Variants in RBFOX1 observed in about 807,000 individuals in gnomAD.
RBFOX1 encodes the protein RNA binding fox-1 homolog 1, also known as RNA binding protein fox-1 homolog 1.
A neutral mutation model predicts 57.7 loss-of-function variants in RBFOX1; 8 were observed. The observed-to-expected ratio is 0.14, with a 90% CI of 0.08 to 0.25. The LOEUF (loss-of-function observed/expected upper bound fraction) is 0.25, where lower values mean the gene tolerates loss of function less well. RBFOX1 is among the 10% of genes least tolerant of loss of function. The pLI, the probability that RBFOX1 is intolerant of heterozygous loss-of-function variation, is 1.00. For synonymous variants in RBFOX1, 326 were observed against 222.4 expected, an observed-to-expected ratio of 1.47 and a Z score of -4.15; for missense variants, 611 against 548.5, an observed-to-expected ratio of 1.11 and a Z score of -1.14.
intron 1 of RBFOX1, among the ~76,000 whole-genome samples, chr16:5,266,769 G>A (rs1231773202): frequency 6.6e-6 from 1 of 151,832 alleles, no homozygotes; most frequent in African/African-American, 2.4e-5. Context: ...ATATTGCCCA[G>A]GCTGGTCTCG....
chr16:7,181,145 A>T lies in RBFOX1; in HGVS notation c.27+129047A>T, dbSNP rs571446789. ...GATAGGCTTTCAATCCTTCCTTGTC[A>T]TGTGCCAGGTGGACGGCCTTGTGGT... On this transcript the variant is annotated intron_variant, in intron 4 of 15. Transcript: ENST00000550418. 3.3e-5 allele frequency among the ~76,000 whole-genome samples: 5 copies of T among 152,300 alleles called. No individual in the cohort carries two copies. The South Asian group carries it at 8.3e-4, about 25-fold the overall frequency.
intron 3 of RBFOX1, among the ~76,000 whole-genome samples, chr16:7,021,613 T>C (rs945890432): frequency 6.1e-5 from 9 of 146,802 alleles, no homozygotes; most frequent in African/African-American, 2.0e-4. Flanking sequence ...TTTTATAAAA[T>C]ATAATATTTT....
intron 3 of RBFOX1, among the ~76,000 whole-genome samples, chr16:6,964,211 G>T (rs1442051634): frequency 6.6e-6 from 1 of 151,790 alleles, no homozygotes; most frequent in Non-Finnish European, 1.5e-5. Flanking sequence ...TAGAGATGGG[G>T]TTTCACCTTG....
intron 3 of RBFOX1, among the ~76,000 whole-genome samples, chr16:6,779,925 A>T (rs1374631525): frequency 6.6e-5 from 2 of 30,226 alleles, no homozygotes; most frequent in Admixed American, 6.6e-4. Flanking sequence ...ATTTATATAT[A>T]TTTATATATA....
At chr16:7,450,452 C>A (rs1426598806) in intron 4 of RBFOX1, among the ~76,000 whole-genome samples, 1 of 148,314 alleles carries the variant, frequency 6.7e-6, no homozygotes, top group Non-Finnish European at 1.5e-5. Flanking sequence ...AAAGGAGGGA[C>A]TGTGGATGAT....
At chr16:6,665,486 A>T (rs1156537285) in intron 3 of RBFOX1, among the ~76,000 whole-genome samples, 3 of 152,096 alleles carry the variant, frequency 2.0e-5, no homozygotes, top group Non-Finnish European at 1.5e-5. Context: ...TTAGCCAGGC[A>T]TAGTGACAGG....
chr16:5,967,376 T>G (rs1285497606), intron 4 of RBFOX1, among the ~76,000 whole-genome samples: 1 of 152,224 alleles, frequency 6.6e-6, no homozygotes, highest in Non-Finnish European at 1.5e-5. Flanking sequence ...CCTTGCTACC[T>G]GGTTTGATAA....
At chr16:6,689,692 G>T (rs946721923) in intron 3 of RBFOX1, among the ~76,000 whole-genome samples, 2 of 152,124 alleles carry the variant, frequency 1.3e-5, no homozygotes. Flanking sequence ...GTACTTTGGT[G>T]ACATGTCCGT....
intron 11 of RBFOX1, among the ~76,000 whole-genome samples, chr16:7,631,489 G>T (rs926933826): frequency 4.6e-5 from 7 of 152,130 alleles, no homozygotes; most frequent in African/African-American, 1.4e-4. Flanking sequence ...CTCCCAGAGG[G>T]TATACCCCTT....
intron 3 of RBFOX1, among the ~76,000 whole-genome samples, chr16:5,787,414 G>A (rs189109220): frequency 2.0e-4 from 31 of 152,304 alleles, no homozygotes; most frequent in Admixed American, 1.9e-3. Context: ...TCCATTGTAA[G>A]CCTCTCTACA....
At chr16:6,618,393 C>G (rs1340636499) in intron 2 of RBFOX1, among the ~76,000 whole-genome samples, 4 of 152,154 alleles carry the variant, frequency 2.6e-5, no homozygotes, top group Non-Finnish European at 4.4e-5. Context: ...AAGGTAGGGA[C>G]TGTCATTATT....
intron 3 of RBFOX1, among the ~76,000 whole-genome samples, chr16:7,008,561 G>A (rs1445232694): frequency 6.6e-6 from 1 of 151,658 alleles, no homozygotes. Flanking sequence ...AGAATTCAGT[G>A]AACAAGAGTA....
chr16:7,441,578 T>TCACC (rs2098767311), intron 4 of RBFOX1, among the ~76,000 whole-genome samples: 1 of 152,228 alleles, frequency 6.6e-6, no homozygotes, highest in South Asian at 2.1e-4. Context: ...CACTTTAGTT[T>TCACC]CACCCATATG....
chr16:5,617,285 C>G (rs114026586), intron 3 of RBFOX1, among the ~76,000 whole-genome samples: 2 of 152,216 alleles, frequency 1.3e-5, no homozygotes, highest in Non-Finnish European at 2.9e-5. Context: ...TTTGAAGACT[C>G]AGGTTCAATG....
chr16:5,789,134 G>C (rs1328102725), intron 3 of RBFOX1, among the ~76,000 whole-genome samples: 1 of 152,198 alleles, frequency 6.6e-6, no homozygotes, highest in Non-Finnish European at 1.5e-5. Context: ...AGGCCTGTCT[G>C]TGTAAGGAGG....
chr16:7,179,710 A>G (rs895420815), intron 4 of RBFOX1, among the ~76,000 whole-genome samples: 7 of 151,954 alleles, frequency 4.6e-5, no homozygotes, highest in African/African-American at 1.7e-4. Context: ...AACTCTTTAA[A>G]AAGAAATTCA....
intron 3 of RBFOX1, among the ~76,000 whole-genome samples, chr16:6,661,862 C>G (rs533242929): frequency 9.3e-4 from 141 of 152,268 alleles, no homozygotes; most frequent in Non-Finnish European, 1.2e-3. Flanking sequence ...TGAAGGACCT[C>G]TATACTGTTG....
At chr16:6,702,594 T>C (rs887829599) in intron 3 of RBFOX1, among the ~76,000 whole-genome samples, 2 of 152,058 alleles carry the variant, frequency 1.3e-5, no homozygotes, top group Non-Finnish European at 2.9e-5. Context: ...CAACATTCTA[T>C]TCCTTCCCAA....
chr16:6,865,582 A>C (rs1254199984), intron 3 of RBFOX1, among the ~76,000 whole-genome samples: 1 of 152,278 alleles, frequency 6.6e-6, no homozygotes, highest in Non-Finnish European at 1.5e-5. Flanking sequence ...ATTGTAGATA[A>C]TATTTTGTGA....
Sources: allele counts gnomAD v4.1 joint callset (sites outside exome capture counted in the v4.1 genomes callset), GRCh38; gene constraint gnomAD v4.1.1; transcripts MANE v1.5; gene names NCBI Gene and HGNC (gene_info 2026-07-23, HGNC 2026-07-21).